ZMYM2: variants seen among roughly 807,000 people sequenced by gnomAD.
The protein encoded by ZMYM2 is zinc finger MYM-type containing 2, also known as zinc finger MYM-type protein 2.
A neutral mutation model predicts 162.8 loss-of-function variants in ZMYM2; 56 were observed. The observed-to-expected ratio is 0.34, with a 90% confidence interval of 0.28 to 0.43. The LOEUF (loss-of-function observed/expected upper bound fraction) is 0.43, where lower values mean the gene tolerates loss of function less well. ZMYM2 is among the 20% of genes least tolerant of loss of function. ZMYM2 has a pLI of 1.00. For synonymous variants in ZMYM2, 510 were observed against 541.6 expected (o/e 0.94, Z 0.81); for missense variants, 1,275 against 1,621.8 (o/e 0.79, Z 3.67).
At chr13:19,969,335 T>G (rs1956092757) in intron 2 of ZMYM2, among the ~76,000 whole-genome samples, 1 of 152,210 alleles carries the variant, frequency 6.6e-6, no homozygotes, top group South Asian at 2.1e-4. Context: ...GAAGATAATG[T>G]GGTATAATGA....
chr13:19,915,448 TTTC>T, the ZMYM2 span, among the ~76,000 whole-genome samples: 1 of 152,026 alleles, frequency 6.6e-6, no homozygotes, highest in African/African-American at 2.4e-5. Context: ...TCTTCCTTTC[TTTC>T]TTTCTCTTAC....
chr13:20,075,324 G>A (rs1410659856), intron 21 of ZMYM2, among the ~76,000 whole-genome samples: 1 of 152,170 alleles, frequency 6.6e-6, no homozygotes, highest in Non-Finnish European at 1.5e-5. Flanking sequence ...GTATACTGAA[G>A]TAAGTAGTCA....
intron 2 of ZMYM2, among the ~76,000 whole-genome samples, chr13:19,974,877 T>C (rs565846748): frequency 1.3e-5 from 2 of 152,208 alleles, no homozygotes; most frequent in Non-Finnish European, 2.9e-5. Flanking sequence ...ACTGTACCAA[T>C]TAACAGAATA....
At chr13:19,924,064 A>C in the ZMYM2 span, among the ~76,000 whole-genome samples, 2 of 152,116 alleles carry the variant, frequency 1.3e-5, no homozygotes, top group African/African-American at 4.8e-5. Context: ...AACTATCATA[A>C]CATTTTCAGG....
intron 9 of ZMYM2, among the ~76,000 whole-genome samples, chr13:20,030,835 A>C (rs939722407): frequency 3.3e-5 from 5 of 152,192 alleles, no homozygotes; most frequent in Non-Finnish European, 5.9e-5. Flanking sequence ...CGCCTGGCCA[A>C]CATAGGCCTA....
chr13:19,979,012 A>G (rs1376467949), intron 2 of ZMYM2, among the ~76,000 whole-genome samples: 1 of 148,534 alleles, frequency 6.7e-6, no homozygotes, highest in Admixed American at 6.6e-5. Flanking sequence ...TGCGTATAGA[A>G]TTCTTGGCTG....
chr13:19,893,809 C>T, the ZMYM2 span, among the ~76,000 whole-genome samples: 1 of 151,762 alleles, frequency 6.6e-6, no homozygotes, highest in East Asian at 1.9e-4. Flanking sequence ...TAAATCTATG[C>T]TAATGGATAC....
intron 2 of ZMYM2, among the ~76,000 whole-genome samples, chr13:19,974,640 T>A (rs1433767938): frequency 6.6e-6 from 1 of 152,010 alleles, no homozygotes; most frequent in Non-Finnish European, 1.5e-5. Context: ...CCCGGCTGAT[T>A]TTTGTATTTT....
chr13:19,999,585 T>C (rs1950251594), intron 3 of ZMYM2, among the ~76,000 whole-genome samples: 1 of 152,198 alleles, frequency 6.6e-6, no homozygotes, highest in African/African-American at 2.4e-5. Context: ...AACCCTATAA[T>C]GGTTGCTAAG....
upstream of ZMYM2, among the ~76,000 whole-genome samples, chr13:19,955,295 G>A (rs546189281): frequency 6.6e-6 from 1 of 152,124 alleles, no homozygotes; most frequent in East Asian, 1.9e-4. Context: ...ATTTACTGAG[G>A]TCTATATTAA....
the ZMYM2 span, among the ~76,000 whole-genome samples, chr13:19,927,997 C>CTTAT: frequency 1.3e-5 from 2 of 151,830 alleles, no homozygotes; most frequent in African/African-American, 2.4e-5. Context: ...GTGCCTTTTT[C>CTTAT]TTATTTATTT....
At chr13:20,027,113 A>T in intron 8 of ZMYM2, 90 bp from the exon 9 acceptor site, 1 of 869,746 alleles carries the variant, frequency 1.1e-6, no homozygotes, top group Non-Finnish European at 1.7e-6. Context: ...TTTATTTTTT[A>T]ACAGAAACTT....
chr13:19,976,336 A>AAAAG (rs1332024672), intron 2 of ZMYM2, among the ~76,000 whole-genome samples: 22 of 150,346 alleles, frequency 1.5e-4, no homozygotes, highest in Non-Finnish European at 2.1e-4. Flanking sequence ...CAAAAAAAAA[A>AAAAG]AAAGAAAGAA....
the ZMYM2 span, among the ~76,000 whole-genome samples, chr13:19,907,106 G>A: frequency 1.3e-5 from 2 of 152,076 alleles, no homozygotes; most frequent in African/African-American, 2.4e-5. Context: ...ATTTTAAGTA[G>A]GTAGAAACAT....
chr13:19,956,302 G>A (rs553390943), upstream of ZMYM2, among the ~76,000 whole-genome samples: 1 of 152,300 alleles, frequency 6.6e-6, no homozygotes, highest in Admixed American at 6.5e-5. Context: ...TGTCCATGTT[G>A]TAGTGTATAT....
At chr13:19,983,905 G>A (rs1478653514) in intron 2 of ZMYM2, among the ~76,000 whole-genome samples, 1 of 152,132 alleles carries the variant, frequency 6.6e-6, no homozygotes, top group Non-Finnish European at 1.5e-5. Flanking sequence ...TGGGATTACA[G>A]GCGTGAGCCA....
the ZMYM2 span, among the ~76,000 whole-genome samples, chr13:19,931,052 T>C: frequency 6.7e-6 from 1 of 149,306 alleles, no homozygotes; most frequent in African/African-American, 2.5e-5. Context: ...GGCAGGAGAA[T>C]GGCGTGAACC....
At chr13:19,883,764 A>ATT in the ZMYM2 span, among the ~76,000 whole-genome samples, 3 of 152,040 alleles carry the variant, frequency 2.0e-5, no homozygotes, top group Admixed American at 1.3e-4. Flanking sequence ...ATATATATAT[A>ATT]TTTTTTTGAG....
rs939868413 is a variant in ZMYM2 at position 20,087,279 on chromosome 13, AAAAC to A, written c.*1268_*1271del. On this transcript the variant is annotated 3_prime_UTR_variant, in exon 25 of 25. Transcript: ENST00000610343. ...CTTATAGAAGATTGCATTAAAAAAA[AAAAC>A]AACTTTGTGCTTCTGCATAGCAATT... 1.6e-5 allele frequency: 3 copies of A among 189,352 alleles called. No individual in the cohort carries two copies. Among genetic ancestry groups the A allele is most frequent in the South Asian group, 2.0e-4 (1 of 5,128 alleles). 11.7% of individuals were successfully genotyped at this position (189,352 alleles called of 1,614,324 possible).
Sources: gnomAD v4.1 joint callset for allele counts (sites outside exome capture counted in the v4.1 genomes callset) on GRCh38, gnomAD v4.1.1 for gene constraint, MANE v1.5 for transcripts, NCBI Gene and HGNC (gene_info 2026-07-23, HGNC 2026-07-21) for gene names.